LRRTM4: variants seen among roughly 807,000 people sequenced by gnomAD.
LRRTM4 encodes leucine-rich repeat transmembrane neuronal protein 4.
In LRRTM4, 25 loss-of-function variants were observed where a neutral mutation model predicts 47.6. The observed-to-expected ratio is 0.53, with a 90% confidence interval of 0.38 to 0.73. LRRTM4 has a LOEUF of 0.73. Among genes scored for constraint, LRRTM4 ranks in the 30% least tolerant of loss-of-function variants. LRRTM4 has a pLI of 0.00. For synonymous variants in LRRTM4, 311 were observed against 269.5 expected (o/e 1.15, Z -1.51); for missense variants, 638 against 713.4 (o/e 0.89, Z 1.20).
intron 3 of LRRTM4, among the ~76,000 whole-genome samples, chr2:77,069,696 C>T (rs1413007065): frequency 6.6e-6 from 1 of 151,450 alleles, no homozygotes; most frequent in African/African-American, 2.4e-5. Flanking sequence ...GCTTCATAGC[C>T]AGCCACGAGA....
At chr2:77,424,107 G>A (rs1675013474) in intron 3 of LRRTM4, among the ~76,000 whole-genome samples, 1 of 151,886 alleles carries the variant, frequency 6.6e-6, no homozygotes, top group Admixed American at 6.6e-5. Context: ...GGTGGCAGAT[G>A]TTACTGTACT....
At chr2:76,964,722 CAG>C (rs1337175181) in intron 3 of LRRTM4, among the ~76,000 whole-genome samples, 2 of 148,306 alleles carry the variant, frequency 1.3e-5, no homozygotes, top group Non-Finnish European at 3.0e-5. Flanking sequence ...AGCAGAAGAA[CAG>C]AAACAATTAA....
chr2:77,134,723 T>A (rs978444801), intron 3 of LRRTM4, among the ~76,000 whole-genome samples: 2 of 152,198 alleles, frequency 1.3e-5, no homozygotes, highest in Non-Finnish European at 2.9e-5. Flanking sequence ...TATCCTGAAA[T>A]CTTACTGGAA....
At chr2:77,423,872 C>T (rs535353169) in intron 3 of LRRTM4, among the ~76,000 whole-genome samples, 1 of 152,234 alleles carries the variant, frequency 6.6e-6, no homozygotes, top group Non-Finnish European at 1.5e-5. Flanking sequence ...GTTCAGGAAT[C>T]CCAAAGTGCA....
At chr2:77,224,628 C>A (rs562712093) in intron 3 of LRRTM4, among the ~76,000 whole-genome samples, 1 of 152,136 alleles carries the variant, frequency 6.6e-6, no homozygotes, top group African/African-American at 2.4e-5. Flanking sequence ...TCATCACTGG[C>A]GGTCAGAGAA....
At chr2:77,079,817 A>G (rs1680472009) in intron 3 of LRRTM4, among the ~76,000 whole-genome samples, 1 of 151,968 alleles carries the variant, frequency 6.6e-6, no homozygotes, top group South Asian at 2.1e-4. Context: ...TTTATTTCTA[A>G]TTTCTATTCT....
At chr2:77,375,979 C>T (rs1448445959) in intron 3 of LRRTM4, among the ~76,000 whole-genome samples, 1 of 151,730 alleles carries the variant, frequency 6.6e-6, no homozygotes, top group African/African-American at 2.4e-5. Flanking sequence ...TATTTTAAAT[C>T]GTTCATACAA....
chr2:77,062,784 C>CT (rs1201679859), intron 3 of LRRTM4, among the ~76,000 whole-genome samples: 3 of 152,166 alleles, frequency 2.0e-5, no homozygotes, highest in South Asian at 2.1e-4. Context: ...AGTTTAATCA[C>CT]TTTTAAGTGT....
intron 3 of LRRTM4, among the ~76,000 whole-genome samples, chr2:77,412,567 T>C (rs73942715): frequency 0.052 from 7,924 of 152,246 alleles, 718 homozygotes; most frequent in African/African-American, 0.18. Flanking sequence ...TGGAATCATG[T>C]CTGTCTGTAA....
At chr2:77,520,908 GA>G (rs143005005) in intron 2 of LRRTM4, among the ~76,000 whole-genome samples, 5,920 of 142,764 alleles carry the variant, frequency 0.041, 370 homozygotes, top group African/African-American at 0.16. Flanking sequence ...TTAATGGAGA[GA>G]AAAAAAAAGA....
chr2:76,956,425 C>T (rs145232838), intron 3 of LRRTM4, among the ~76,000 whole-genome samples: 1,854 of 151,378 alleles, frequency 0.012, 38 homozygotes, highest in African/African-American at 0.042. Context: ...AAAAATAAAG[C>T]ACAACAGACC....
chr2:77,073,570 C>G (rs948206400), intron 3 of LRRTM4, among the ~76,000 whole-genome samples: 1 of 151,984 alleles, frequency 6.6e-6, no homozygotes, highest in Non-Finnish European at 1.5e-5. Flanking sequence ...AAGGATGAAT[C>G]TTAGAGAATG....
intron 3 of LRRTM4, among the ~76,000 whole-genome samples, chr2:76,950,825 T>C (rs545680577): frequency 6.6e-6 from 1 of 152,020 alleles, no homozygotes; most frequent in East Asian, 1.9e-4. Flanking sequence ...AAGACTAGAT[T>C]CAGCCATATT....
At chr2:77,340,402 A>T (rs1269441659) in intron 3 of LRRTM4, among the ~76,000 whole-genome samples, 1 of 152,016 alleles carries the variant, frequency 6.6e-6, no homozygotes, top group Non-Finnish European at 1.5e-5. Flanking sequence ...ACTGCTATAA[A>T]GATTACATGA....
intron 3 of LRRTM4, among the ~76,000 whole-genome samples, chr2:76,939,946 G>A (rs1675078842): frequency 6.6e-6 from 1 of 151,966 alleles, no homozygotes; most frequent in Non-Finnish European, 1.5e-5. Flanking sequence ...TTCAATCCAA[G>A]AAGGGGTTGG....
chr2:77,256,860 A>C (rs1675783163), intron 3 of LRRTM4, among the ~76,000 whole-genome samples: 1 of 141,168 alleles, frequency 7.1e-6, no homozygotes, highest in South Asian at 2.6e-4. Context: ...GAAGGGAGGG[A>C]GGGAGGGAAC....
In LRRTM4 at chr2:77,046,095, T is replaced by A. The variant is rs138422296; in HGVS notation, c.1552-297179A>T. On this transcript the variant is annotated intron_variant, in intron 3 of 3. Transcript: ENST00000409884. ...TTGATTCTTTTTAGTATCATGTAAG[T>A]GGTTCTTCTCTTGTATTACCTGTAC... Among the ~76,000 whole-genome samples the A allele has an allele frequency of 4.6e-4, 70 of 152,118 alleles. 1 individual carries two copies. The highest frequency in any genetic ancestry group is 3.4e-3 in the Middle Eastern group (1 of 294).
chr2:77,166,354 G>T (rs1030693823), intron 3 of LRRTM4, among the ~76,000 whole-genome samples: 1 of 152,158 alleles, frequency 6.6e-6, no homozygotes, highest in East Asian at 1.9e-4. Context: ...TAGGAAGAAT[G>T]AATTATTGTG....
At chr2:77,090,868 G>A (rs1272376632) in intron 3 of LRRTM4, among the ~76,000 whole-genome samples, 1 of 152,172 alleles carries the variant, frequency 6.6e-6, no homozygotes, top group Non-Finnish European at 1.5e-5. Context: ...TGCCTCGGCA[G>A]CCCCCTAGAC....
Sources: gnomAD v4.1 joint callset for allele counts (sites outside exome capture counted in the v4.1 genomes callset) on GRCh38, gnomAD v4.1.1 for gene constraint, MANE v1.5 for transcripts, NCBI Gene and HGNC (gene_info 2026-07-23, HGNC 2026-07-21) for gene names.